Variants in ADGRB3 observed in about 807,000 individuals in gnomAD.
ADGRB3 encodes adhesion G protein-coupled receptor B3, also known as brain-specific angiogenesis inhibitor 3.
Under a neutral mutation model 193.4 loss-of-function variants are expected in ADGRB3, and 37 were observed. The ratio of observed to expected loss-of-function variants is 0.19; its 90% CI spans 0.15 to 0.25. The LOEUF is 0.25. Ranked by LOEUF, ADGRB3 falls within the 10% of genes least tolerant of loss-of-function variation. The pLI, the probability that ADGRB3 is intolerant of heterozygous loss-of-function variation, is 1.00. For missense variants in ADGRB3, 1,637 were observed against 1,852.9 expected (o/e 0.88, Z 2.14); for synonymous variants, 690 against 644.2 (o/e 1.07, Z -1.08).
At chr6:69,005,720 C>T (rs1260961746) in intron 11 of ADGRB3, among the ~76,000 whole-genome samples, 4 of 152,114 alleles carry the variant, frequency 2.6e-5, no homozygotes, top group Admixed American at 2.0e-4. Flanking sequence ...CCATCAGAAG[C>T]CCTCTGAATA....
intron 20 of ADGRB3, among the ~76,000 whole-genome samples, chr6:69,271,836 T>C (rs1187067873): frequency 6.6e-6 from 1 of 152,186 alleles, no homozygotes; most frequent in Non-Finnish European, 1.5e-5. Flanking sequence ...TTATTGTTTG[T>C]TTTTTGCTTT....
chr6:69,125,989 T>A (rs997127439), intron 17 of ADGRB3, among the ~76,000 whole-genome samples: 3 of 152,136 alleles, frequency 2.0e-5, no homozygotes, highest in African/African-American at 7.2e-5. Flanking sequence ...TGTCCAACAT[T>A]TGGGTCAAAG....
chr6:68,898,450 G>A (rs531555010), intron 3 of ADGRB3, among the ~76,000 whole-genome samples: 31 of 152,060 alleles, frequency 2.0e-4, no homozygotes, highest in Non-Finnish European at 3.4e-4. Context: ...ATAATGTTTC[G>A]CCAACTATCT....
At chr6:69,295,505 G>C (rs1247363618) in intron 20 of ADGRB3, among the ~76,000 whole-genome samples, 1 of 152,096 alleles carries the variant, frequency 6.6e-6, no homozygotes, top group Non-Finnish European at 1.5e-5. Flanking sequence ...GGCTGCCCAG[G>C]ATATTGATGG....
chr6:68,838,755 T>C (rs1009345265), intron 3 of ADGRB3, among the ~76,000 whole-genome samples: 2 of 152,210 alleles, frequency 1.3e-5, no homozygotes, highest in Non-Finnish European at 2.9e-5. Context: ...ATATGCAAAG[T>C]GGATATGCTG....
intron 3 of ADGRB3, among the ~76,000 whole-genome samples, chr6:68,825,041 G>A (rs1056194721): frequency 1.3e-5 from 2 of 151,986 alleles, no homozygotes; most frequent in African/African-American, 4.8e-5. Flanking sequence ...TGTATTTTTA[G>A]TAGAGACGGG....
chr6:68,928,315 C>G (rs940299420), intron 3 of ADGRB3, among the ~76,000 whole-genome samples: 3 of 152,206 alleles, frequency 2.0e-5, no homozygotes, highest in African/African-American at 7.2e-5. Flanking sequence ...CCCTTGAGGC[C>G]AGGAGTTTGA....
intron 3 of ADGRB3, among the ~76,000 whole-genome samples, chr6:68,771,002 A>C (rs1766606804): frequency 6.6e-6 from 1 of 152,124 alleles, no homozygotes; most frequent in Non-Finnish European, 1.5e-5. Flanking sequence ...GTGTAATGTG[A>C]CTGGCACATG....
chr6:69,300,654 C>G (rs1767930813), intron 20 of ADGRB3, among the ~76,000 whole-genome samples: 1 of 151,696 alleles, frequency 6.6e-6, no homozygotes, highest in East Asian at 1.9e-4. Flanking sequence ...AAACCAGCAG[C>G]ATTTACATAT....
intron 3 of ADGRB3, among the ~76,000 whole-genome samples, chr6:68,802,033 A>T (rs749195188): frequency 2.0e-5 from 3 of 152,210 alleles, no homozygotes; most frequent in Non-Finnish European, 2.9e-5. Flanking sequence ...TAACTCCCTT[A>T]TTCTTCATTT....
intron 3 of ADGRB3, among the ~76,000 whole-genome samples, chr6:68,646,788 CTT>C (rs1561981919): frequency 6.6e-6 from 1 of 152,076 alleles, no homozygotes; most frequent in East Asian, 1.9e-4. Flanking sequence ...CCATTTGAAA[CTT>C]TTAATTGTGT....
intron 8 of ADGRB3, among the ~76,000 whole-genome samples, chr6:68,971,758 T>A (rs1470133284): frequency 6.6e-6 from 1 of 152,236 alleles, no homozygotes; most frequent in Non-Finnish European, 1.5e-5. Context: ...ACCAACTGAT[T>A]ACATACTTAT....
At chr6:68,734,337 T>A (rs1298478928) in intron 3 of ADGRB3, among the ~76,000 whole-genome samples, 2 of 152,030 alleles carry the variant, frequency 1.3e-5, no homozygotes, top group Admixed American at 1.3e-4. Flanking sequence ...TTGAACATTT[T>A]ATTTTTTTAA....
intron 3 of ADGRB3, among the ~76,000 whole-genome samples, chr6:68,912,292 T>C (rs1766736657): frequency 6.6e-6 from 1 of 152,032 alleles, no homozygotes; most frequent in South Asian, 2.1e-4. Context: ...TACTGTGGCC[T>C]AATATTAACA....
chr6:69,062,887 C>T lies in ADGRB3; in HGVS notation c.2334-47C>T, dbSNP rs751013724. On this transcript the variant is annotated intron_variant, in intron 15 of 31. Transcript: ENST00000370598. ...ATGTATTGAGCAGTAGGAATTTATACTTTTCAGCACTCATTTCTCCTTTTA... is the reference window on the plus strand; with the variant it reads ...ATGTATTGAGCAGTAGGAATTTATATTTTTCAGCACTCATTTCTCCTTTTA... The T allele has an allele frequency of 6.5e-6, 9 of 1,391,620 alleles. No homozygotes were observed. The East Asian group carries it at 2.1e-4, about 32-fold the overall frequency. 86.2% of individuals were successfully genotyped at this position (1,391,620 alleles called of 1,614,324 possible). A position where few individuals can be genotyped will look rare whatever the true frequency, so the allele number is the denominator to read the frequency against.
chr6:69,008,970 G>A (rs748305228), intron 11 of ADGRB3, among the ~76,000 whole-genome samples: 1 of 152,024 alleles, frequency 6.6e-6, no homozygotes, highest in Non-Finnish European at 1.5e-5. Context: ...TGGAAGAGGA[G>A]GGTGTTGAAT....
intron 3 of ADGRB3, among the ~76,000 whole-genome samples, chr6:68,889,330 A>G (rs1766005799): frequency 6.6e-6 from 1 of 152,154 alleles, no homozygotes; most frequent in Non-Finnish European, 1.5e-5. Context: ...TATTGCTTCC[A>G]AAAGTTGTGT....
chr6:68,953,653 T>C (rs1273284299), intron 6 of ADGRB3, among the ~76,000 whole-genome samples: 1 of 152,206 alleles, frequency 6.6e-6, no homozygotes, highest in Non-Finnish European at 1.5e-5. Flanking sequence ...TATCAGGCAC[T>C]TGTAATAAAG....
At chr6:69,374,205 A>G (rs1769765768) in intron 30 of ADGRB3, among the ~76,000 whole-genome samples, 2 of 152,062 alleles carry the variant, frequency 1.3e-5, no homozygotes. Flanking sequence ...GTTTAGAGCT[A>G]TTTCCCTTAG....
Sources: allele counts gnomAD v4.1 joint callset (sites outside exome capture counted in the v4.1 genomes callset), GRCh38; gene constraint gnomAD v4.1.1; transcripts MANE v1.5; gene names NCBI Gene and HGNC (gene_info 2026-07-23, HGNC 2026-07-21).